KANK4: variants seen among roughly 807,000 people sequenced by gnomAD.
KANK4 encodes KN motif and ankyrin repeat domain-containing protein 4.
A neutral mutation model predicts 80.8 loss-of-function variants in KANK4; 50 were observed. The ratio of observed to expected loss-of-function variants is 0.62; its 90% confidence interval spans 0.49 to 0.78. The LOEUF is 0.78. KANK4 is among the 30% of genes least tolerant of loss of function. KANK4 has a pLI of 0.00. For synonymous variants in KANK4, 465 were observed against 506.9 expected (o/e 0.92, Z 1.11); for missense variants, 1,196 against 1,240.1 (o/e 0.96, Z 0.53).
chr1:62,300,640 G>C (rs569116991), intron 1 of KANK4, among the ~76,000 whole-genome samples: 1 of 152,200 alleles, frequency 6.6e-6, no homozygotes, highest in East Asian at 1.9e-4. Flanking sequence ...CAGGGTCGGG[G>C]AAGCGGATGG....
chr1:62,301,575 C>A (rs2149167042), intron 1 of KANK4, among the ~76,000 whole-genome samples: 1 of 152,176 alleles, frequency 6.6e-6, no homozygotes, highest in Middle Eastern at 3.4e-3. Context: ...AGGGTGTGGG[C>A]TTTGGAGTGT....
In KANK4 at chr1:62,270,834, ATC is replaced by A. The variant is rs372670357; in HGVS notation, c.2012+642_2012+643del. On this transcript the variant is annotated intron_variant, in intron 4 of 9. Transcript: ENST00000371153. ...TGTGCTTCCTCACCTAACAAAACTTATCTCAGCACATCAGCATTTCATCTTTA... is the reference window on the plus strand; with the variant it reads ...TGTGCTTCCTCACCTAACAAAACTTATCAGCACATCAGCATTTCATCTTTA... Among the ~76,000 whole-genome samples, 773 of 152,244 alleles carry A rather than the reference ATC, an allele frequency of 5.1e-3. 4 individuals are homozygous for A. Among genetic ancestry groups the A allele is most frequent in the African/African-American group, 0.018 (731 of 41,528 alleles).
Position 62,289,852 on chromosome 1 carries a change from T to C in KANK4, c.-70-8218A>G, listed in dbSNP as rs559024172. On this transcript the variant is annotated intron_variant, in intron 1 of 9. Transcript: ENST00000371153. ...AAGGGCAAGTTCTATAGTGGACTTG[T>C]AGCCTGGGCTCCAAGTCAAGTACTA... Among the ~76,000 whole-genome samples the C allele has an allele frequency of 7.2e-5, 11 of 152,356 alleles. No homozygotes were observed. In the South Asian group the frequency reaches 1.2e-3, roughly 17 times the overall value.
At chr1:62,293,739 A>G (rs1644330659) in intron 1 of KANK4, among the ~76,000 whole-genome samples, 1 of 152,180 alleles carries the variant, frequency 6.6e-6, no homozygotes, top group African/African-American at 2.4e-5. Context: ...TGGAATTCCA[A>G]TTCTCAGGAA....
intron 7 of KANK4, among the ~76,000 whole-genome samples, chr1:62,253,629 G>T (rs1671681444): frequency 6.6e-6 from 1 of 151,914 alleles, no homozygotes; most frequent in African/African-American, 2.4e-5. Context: ...GGTCAGGCTG[G>T]TCCCGAACTC....
chr1:62,279,834 C>G (rs3850631), intron 2 of KANK4, among the ~76,000 whole-genome samples: 44,720 of 151,946 alleles, frequency 0.29, 7,737 homozygotes, highest in East Asian at 0.71. Flanking sequence ...GAAAGTGAGT[C>G]TGGGGAGAAG....
intron 6 of KANK4, among the ~76,000 whole-genome samples, chr1:62,264,563 G>T (rs938085925): frequency 1.3e-5 from 2 of 152,192 alleles, no homozygotes; most frequent in African/African-American, 4.8e-5. Flanking sequence ...TCTACAGAGT[G>T]AGGTCCTTAC....
rs1237301088 is a variant in KANK4, at chr1:62,237,920, TCTAATGTG to T, written c.*349_*356del. On this transcript the variant is annotated 3_prime_UTR_variant, in exon 10 of 10. Coordinates refer to ENST00000371153, the MANE Select transcript of KANK4 (RefSeq NM_181712.5). ...AATTCCATGTAAAAAGTATTGCTTTTCTAATGTGCTAATGTGCTCCTGCCTGCCTGCTT... is the reference window on the plus strand; with the variant it reads ...AATTCCATGTAAAAAGTATTGCTTTTCTAATGTGCTCCTGCCTGCCTGCTT... The T allele has an allele frequency of 2.7e-5, 5 of 184,158 alleles. No homozygotes were observed. The highest frequency in any genetic ancestry group is 3.4e-5 in the Non-Finnish European group (3 of 88,674). 11.4% of individuals were successfully genotyped at this position (184,158 alleles called of 1,614,324 possible).
intron 6 of KANK4, among the ~76,000 whole-genome samples, chr1:62,264,997 A>G (rs1671985840): frequency 6.6e-6 from 1 of 152,106 alleles, no homozygotes; most frequent in South Asian, 2.1e-4. Context: ...ACACCCAGCT[A>G]ATTTTCGTAC....
chr1:62,273,990 G>A lies in KANK4; in HGVS notation c.1114C>T (p.Gln372Ter). ...CTAGCTTTGATTTCCTCTTCCTGCT[G>A]CTGGAGAGCAGTTCTGACCTGTGCC... is the stretch of plus-strand genomic sequence containing the variant. The part of the protein sequence containing the change: ...ELAQVRTALQ[Q>*]QEEEIKAREQ... Residue 372 changes from glutamine (Q) to a stop codon, truncating the protein, a stop_gained, in exon 3 of 10, where the codon CAG becomes TAG. Transcript: ENST00000371153. LOFTEE classifies it high-confidence loss of function. 6.2e-7 allele frequency: 1 copy of A among 1,614,162 alleles called. No individual in the cohort carries two copies.
chr1:62,254,529 A>C (rs1199072624), intron 7 of KANK4, among the ~76,000 whole-genome samples: 1 of 149,968 alleles, frequency 6.7e-6, no homozygotes, highest in Non-Finnish European at 1.5e-5. Context: ...GGTGTGAGCC[A>C]CTGTACCCAG....
At chr1:62,264,132 G>A (rs552426713) in intron 6 of KANK4, among the ~76,000 whole-genome samples, 2 of 152,252 alleles carry the variant, frequency 1.3e-5, no homozygotes, top group Admixed American at 1.3e-4. Context: ...TTAATCCCTG[G>A]CTCGGCCGGG....
chr1:62,299,640 C>T (rs915508560), intron 1 of KANK4, among the ~76,000 whole-genome samples: 3 of 152,126 alleles, frequency 2.0e-5, no homozygotes, highest in African/African-American at 7.2e-5. Flanking sequence ...TGATGAGGAC[C>T]GTGTCTTCTT....
intron 1 of KANK4, among the ~76,000 whole-genome samples, chr1:62,304,207 T>G (rs1393610661): frequency 2.6e-5 from 4 of 152,030 alleles, no homozygotes; most frequent in Admixed American, 1.3e-4. Flanking sequence ...CAAGAGCTGG[T>G]CCATATACCA....
chr1:62,288,073 T>C (rs1445991224), intron 1 of KANK4, among the ~76,000 whole-genome samples: 1 of 152,140 alleles, frequency 6.6e-6, no homozygotes, highest in African/African-American at 2.4e-5. Context: ...AAGCCCTCCA[T>C]GTTACCAGCA....
At chr1:62,268,531 G>T in intron 4 of KANK4, 26 bp from the exon 5 acceptor site, 2 of 1,593,376 alleles carry the variant, frequency 1.3e-6, no homozygotes. Flanking sequence ...AAGGTCACTC[G>T]TCCTGTCTTT....
intron 7 of KANK4, among the ~76,000 whole-genome samples, chr1:62,259,641 C>G (rs573383152): frequency 6.6e-6 from 1 of 151,932 alleles, no homozygotes; most frequent in South Asian, 2.1e-4. Context: ...AGTTTGCTGA[C>G]TTTTCTGAAT....
chr1:62,247,647 C>G lies in KANK4; in HGVS notation c.2708G>C (p.Gly903Ala). 2 of 1,613,878 alleles carry G rather than the reference C, an allele frequency of 1.2e-6. No individual in the cohort carries two copies. The highest frequency in any genetic ancestry group is 8.5e-7 in the Non-Finnish European group (1 of 1,180,022). ...CATGTCCTCCCTGTCGTGGCTGACT[C>G]CCAGCATCAGCGCAGTCTGGCCTCC... is the stretch of plus-strand genomic sequence containing the variant. ...TQGGQTALML[G>A]VSHDREDMVQ... Residue 903 changes from glycine to alanine, a missense_variant, in exon 9 of 10, where the codon GGA becomes GCA. This residue lies in a region of KANK4 where 1,154 missense variants were observed against 1,179.6 expected (regional missense o/e 0.98). Transcript: ENST00000371153.
intron 1 of KANK4, among the ~76,000 whole-genome samples, chr1:62,300,540 A>G (rs1460237025): frequency 6.6e-6 from 1 of 152,130 alleles, no homozygotes; most frequent in Non-Finnish European, 1.5e-5. Flanking sequence ...GTAAAAGTTA[A>G]GCAGGCAGAT....
Sources: gnomAD v4.1 joint callset for allele counts (sites outside exome capture counted in the v4.1 genomes callset) on GRCh38, gnomAD v4.1.1 for gene constraint, gnomAD v4.1.1 regional missense constraint, MANE v1.5 for transcripts, NCBI Gene and HGNC (gene_info 2026-07-23, HGNC 2026-07-21) for gene names.